The following GRID2 variants were observed in gnomAD, a reference collection of about 807,000 sequenced individuals.
GRID2 encodes glutamate ionotropic receptor delta type subunit 2.
In GRID2, 33 loss-of-function variants were observed where a neutral mutation model predicts 114.8. That is an observed-to-expected ratio of 0.29 (90% CI 0.22 to 0.38). The LOEUF (loss-of-function observed/expected upper bound fraction) is 0.38, where lower values mean the gene tolerates loss of function less well. Ranked by LOEUF, GRID2 falls within the 10% of genes least tolerant of loss-of-function variation. The pLI, the probability that GRID2 is intolerant of heterozygous loss-of-function variation, is 1.00. For missense variants in GRID2, 1,184 were observed against 1,257.7 expected, an observed-to-expected ratio of 0.94 and a Z score of 0.89; for synonymous variants, 505 against 449.9, an observed-to-expected ratio of 1.12 and a Z score of -1.55.
In GRID2 at chr4:92,563,000, G is replaced by T. The variant is rs866253175; in HGVS notation, c.89-27131G>T. On this transcript the variant is annotated intron_variant, in intron 1 of 15. Coordinates refer to ENST00000282020, the MANE Select transcript of GRID2 (RefSeq NM_001510.4). Reference sequence around the variant, plus strand: ...CTATTTATAGTTCTAAATTACCCAGGCCTACTCTTTTTCTCTTGGAGTCAG... The same window carrying T: ...CTATTTATAGTTCTAAATTACCCAGTCCTACTCTTTTTCTCTTGGAGTCAG... Among the ~76,000 whole-genome samples the T allele has an allele frequency of 2.0e-5, 3 of 152,002 alleles. No individual in the cohort carries two copies. In the South Asian group the frequency reaches 6.2e-4, roughly 32 times the overall value.
intron 14 of GRID2, among the ~76,000 whole-genome samples, chr4:93,665,175 T>A (rs1381936649): frequency 1.3e-5 from 2 of 152,182 alleles, no homozygotes; most frequent in Admixed American, 6.5e-5. Flanking sequence ...CATAGGTATG[T>A]CAGTTGTTTT....
At chr4:93,225,156 T>C (rs908024654) in intron 7 of GRID2, among the ~76,000 whole-genome samples, 1 of 152,228 alleles carries the variant, frequency 6.6e-6, no homozygotes. Context: ...AGTTAGATAA[T>C]ATACATGGTA....
chr4:93,602,486 T>C, intron 13 of GRID2, among the ~76,000 whole-genome samples: 1 of 152,238 alleles, frequency 6.6e-6, no homozygotes, highest in East Asian at 1.9e-4. Context: ...ATTTTGGTAA[T>C]GATCACAAAG....
intron 1 of GRID2, among the ~76,000 whole-genome samples, chr4:92,338,820 C>A (rs763920951): frequency 6.6e-6 from 1 of 152,036 alleles, no homozygotes; most frequent in Non-Finnish European, 1.5e-5. Context: ...AAATTATAAT[C>A]TTGACTCCTA....
intron 8 of GRID2, among the ~76,000 whole-genome samples, chr4:93,280,576 G>C (rs1444410730): frequency 6.6e-6 from 1 of 151,510 alleles, no homozygotes; most frequent in Non-Finnish European, 1.5e-5. Context: ...CATAAATCTT[G>C]GTTTATTATT....
intron 2 of GRID2, among the ~76,000 whole-genome samples, chr4:92,762,773 A>G (rs965349811): frequency 1.2e-4 from 19 of 152,324 alleles, no homozygotes; most frequent in African/African-American, 4.6e-4. Context: ...ATTGTGGTGC[A>G]TTTAGATCTG....
intron 14 of GRID2, among the ~76,000 whole-genome samples, chr4:93,713,588 CA>C (rs528037204): frequency 2.2e-4 from 31 of 142,336 alleles, no homozygotes; most frequent in East Asian, 4.1e-4. Flanking sequence ...AGGTACATTA[CA>C]AAAAAAAAAG....
At chr4:93,161,582 C>T (rs545537425) in intron 4 of GRID2, among the ~76,000 whole-genome samples, 124 of 151,830 alleles carry the variant, frequency 8.2e-4, no homozygotes, top group Non-Finnish European at 1.2e-3. Flanking sequence ...ACATAATTAT[C>T]GTTCATGTGG....
At chr4:93,211,736 A>G (rs1278781109) in intron 5 of GRID2, among the ~76,000 whole-genome samples, 3 of 152,182 alleles carry the variant, frequency 2.0e-5, no homozygotes, top group Non-Finnish European at 4.4e-5. Context: ...TAAAAATACA[A>G]TGTTCACAAC....
At chr4:92,324,618 C>CAA (rs1726495229) in intron 1 of GRID2, among the ~76,000 whole-genome samples, 1 of 147,816 alleles carries the variant, frequency 6.8e-6, no homozygotes, top group African/African-American at 2.6e-5. Flanking sequence ...CACACACACA[C>CAA]ACACTGACTT....
chr4:92,963,666 C>T (rs893521263), intron 2 of GRID2, among the ~76,000 whole-genome samples: 1 of 151,990 alleles, frequency 6.6e-6, no homozygotes, highest in African/African-American at 2.4e-5. Flanking sequence ...TAAATTCTTT[C>T]AGACTTCTGC....
At chr4:93,398,010 T>TTA (rs1765501236) in intron 9 of GRID2, among the ~76,000 whole-genome samples, 1 of 151,518 alleles carries the variant, frequency 6.6e-6, no homozygotes, top group Non-Finnish European at 1.5e-5. Context: ...GCTACTCTAC[T>TTA]AAGTCTTTTG....
intron 12 of GRID2, among the ~76,000 whole-genome samples, chr4:93,514,409 C>T (rs1212859447): frequency 6.1e-5 from 9 of 148,016 alleles, no homozygotes; most frequent in Non-Finnish European, 1.0e-4. Flanking sequence ...AATCGCTCCC[C>T]CCACCTCCAC....
chr4:93,236,102 C>T (rs1007596539), intron 7 of GRID2, among the ~76,000 whole-genome samples: 3 of 151,708 alleles, frequency 2.0e-5, no homozygotes, highest in African/African-American at 7.3e-5. Context: ...TTTGAACTTA[C>T]TTGTAGTAAT....
chr4:93,133,384 A>G (rs140225158), intron 4 of GRID2, among the ~76,000 whole-genome samples: 1 of 152,294 alleles, frequency 6.6e-6, no homozygotes, highest in Non-Finnish European at 1.5e-5. Flanking sequence ...ATTTGAGTTT[A>G]AGAAACTGCA....
At chr4:92,750,279 A>C (rs890935691) in intron 2 of GRID2, among the ~76,000 whole-genome samples, 2 of 152,182 alleles carry the variant, frequency 1.3e-5, no homozygotes, top group Non-Finnish European at 2.9e-5. Flanking sequence ...TATCTCATTC[A>C]GCTAGAAATA....
intron 2 of GRID2, among the ~76,000 whole-genome samples, chr4:92,642,289 A>G (rs1413326967): frequency 6.6e-6 from 1 of 151,740 alleles, no homozygotes; most frequent in Non-Finnish European, 1.5e-5. Context: ...AGCTTTCTCC[A>G]CACCCTCATC....
chr4:93,524,563 G>A (rs1730642612), intron 13 of GRID2, among the ~76,000 whole-genome samples: 1 of 151,616 alleles, frequency 6.6e-6, no homozygotes, highest in Non-Finnish European at 1.5e-5. Flanking sequence ...ATGGATATTT[G>A]AAATCAAAAT....
chr4:93,791,314 G>T (rs1388827060), intron 1 of GRID2, among the ~76,000 whole-genome samples: 1 of 152,116 alleles, frequency 6.6e-6, no homozygotes, highest in Non-Finnish European at 1.5e-5. Context: ...GGCCAAAATT[G>T]TTCTGATTAT....
Sources: gnomAD v4.1 joint callset for allele counts (sites outside exome capture counted in the v4.1 genomes callset) on GRCh38, gnomAD v4.1.1 for gene constraint, MANE v1.5 for transcripts, NCBI Gene and HGNC (gene_info 2026-07-23, HGNC 2026-07-21) for gene names.